The following VSX2 variants were observed in gnomAD, a reference collection of about 807,000 sequenced individuals.
The protein encoded by VSX2 is ceh-10 homeo domain containing homolog.
In VSX2, 28 loss-of-function variants were observed where a neutral mutation model predicts 32.1. The ratio of observed to expected loss-of-function variants is 0.87; its 90% CI spans 0.65 to 1.20. VSX2 has a LOEUF of 1.20. Ranked by LOEUF, VSX2 falls within the 50% of genes most tolerant of loss-of-function variation. The pLI is 0.00. For missense variants in VSX2, 506 were observed against 488.7 expected (o/e 1.04, Z -0.33); for synonymous variants, 243 against 214.1 (o/e 1.14, Z -1.18).
intron 2 of VSX2, among the ~76,000 whole-genome samples, chr14:74,244,377 A>G (rs970937524): frequency 6.6e-6 from 1 of 152,000 alleles, no homozygotes; most frequent in Non-Finnish European, 1.5e-5. Flanking sequence ...CCTTGTCAGC[A>G]CAGAATAGGA....
rs1225857453 is a variant in VSX2, at chr14:74,260,963, C to T, written c.*44C>T. On this transcript the variant is annotated 3_prime_UTR_variant, in exon 5 of 5. Transcript: ENST00000261980. ...GCCGGAGCCCCAAGACTCTGCTCTCCTCGGGCCCTGTGGTGCTGGGAGATG... is the reference window on the plus strand; with the variant it reads ...GCCGGAGCCCCAAGACTCTGCTCTCTTCGGGCCCTGTGGTGCTGGGAGATG... 1 of 1,545,582 alleles carries T rather than the reference C, an allele frequency of 6.5e-7. No individual in the cohort carries two copies. The highest frequency in any genetic ancestry group is 8.7e-7 in the Non-Finnish European group (1 of 1,144,414).
At chr14:74,257,051 C>T (rs1375366200) in intron 3 of VSX2, among the ~76,000 whole-genome samples, 1 of 151,988 alleles carries the variant, frequency 6.6e-6, no homozygotes, top group Non-Finnish European at 1.5e-5. Context: ...CAAGCAGATA[C>T]GCTAAGGGGA....
chr14:74,244,927 T>TGAGA lies in VSX2; in HGVS notation c.456-237_456-236insAGAG, dbSNP rs1486415358. Reference sequence around the variant, plus strand: ...GTGTGTGTGTGTGTGTGTGTGTGTGTGTGAAAGAGAGAGAGAAAGTGTGTG... The same window carrying TGAGA: ...GTGTGTGTGTGTGTGTGTGTGTGTGTGAGAGTGAAAGAGAGAGAGAAAGTGTGTG... On this transcript the variant is annotated intron_variant, in intron 2 of 4. Transcript: ENST00000261980. Among the ~76,000 whole-genome samples, 93 of 39,318 alleles carry TGAGA rather than the reference T, an allele frequency of 2.4e-3. 1 individual carries two copies. The highest frequency in any genetic ancestry group is 0.013 in the Admixed American group (46 of 3,464). The allele number at this position is 39,318 out of a possible 152,430, so 25.8% of individuals were successfully genotyped here.
rs200389260 is a variant in VSX2, at chr14:74,259,695, A to G, written c.673A>G (p.Met225Val). The change falls in exon 4 of 5, where the codon ATG becomes GTG. Residue 225 changes from methionine to valine, a missense_variant. By Grantham distance (21) the Met-to-Val change is conservative. Coordinates refer to ENST00000261980, the MANE Select transcript of VSX2 (RefSeq NM_182894.3). ...GGCGGAGTATGGGCTCTACGGGGCC[A>G]TGGTGCGGCACTCCATCCCCCTGCC... ...VMAEYGLYGA[M>V]VRHSIPLPES... 1.9e-6 allele frequency: 3 copies of G among 1,614,072 alleles called. No homozygotes were observed. Among genetic ancestry groups the G allele is most frequent in the East Asian group, 2.2e-5 (1 of 44,880 alleles).
At position 74,259,739 on chromosome 14, in the gene VSX2, A is replaced by T; in HGVS notation, c.717A>T (p.Ser239=). ...CCCTGCCCGAGTCCATCCTCAAGTC[A>T]GCCAAGGATGGCATCATGGACTCCT... is the stretch of plus-strand genomic sequence containing the variant. ...SIPLPESILK[S]AKDGIMDSCA... is the part of the protein sequence containing the mutation. Residue 239 remains serine (S), a synonymous_variant, in exon 4 of 5, where the codon TCA becomes TCT. Transcript: ENST00000261980. 6.2e-7 allele frequency: 1 copy of T among 1,613,676 alleles called. No homozygotes were observed. The highest frequency in any genetic ancestry group is 8.5e-7 in the Non-Finnish European group (1 of 1,179,700).
rs769885076 is a variant in VSX2, at chr14:74,239,745, C to T, written c.184C>T (p.Leu62=). ...CGACGGCCTGGCCCCCGGGCACTTG[C>T]TGGCGGCGCGCTCAGTGCTCAGCCC... The part of the protein sequence containing the change: ...ALDGLAPGHL[L]AARSVLSPAG... The change falls in exon 1 of 5, where the codon CTG becomes TTG. Residue 62 remains leucine (L), a synonymous_variant. Coordinates refer to ENST00000261980, the MANE Select transcript of VSX2 (RefSeq NM_182894.3). 3.2e-6 allele frequency: 5 copies of T among 1,549,712 alleles called. No homozygotes were observed. Among genetic ancestry groups the T allele is most frequent in the Non-Finnish European group, 3.5e-6 (4 of 1,147,114 alleles).
chr14:74,248,130 C>T (rs1002387062), intron 3 of VSX2, among the ~76,000 whole-genome samples: 8 of 151,946 alleles, frequency 5.3e-5, no homozygotes, highest in Non-Finnish European at 7.4e-5. Flanking sequence ...ACGTGTTGGC[C>T]GCCACTCCTG....
In VSX2 at chr14:74,260,963, C is replaced by G; in HGVS notation, c.*44C>G. On this transcript the variant is annotated 3_prime_UTR_variant, in exon 5 of 5. Coordinates refer to ENST00000261980, the MANE Select transcript of VSX2 (RefSeq NM_182894.3). ...GCCGGAGCCCCAAGACTCTGCTCTCCTCGGGCCCTGTGGTGCTGGGAGATG... is the reference window on the plus strand; with the variant it reads ...GCCGGAGCCCCAAGACTCTGCTCTCGTCGGGCCCTGTGGTGCTGGGAGATG... 1 of 1,545,582 alleles carries G rather than the reference C, an allele frequency of 6.5e-7. No individual in the cohort carries two copies. The highest frequency in any genetic ancestry group is 8.7e-7 in the Non-Finnish European group (1 of 1,144,414).
At chr14:74,253,767 C>T (rs1180740029) in intron 3 of VSX2, among the ~76,000 whole-genome samples, 1 of 151,778 alleles carries the variant, frequency 6.6e-6, no homozygotes, top group Admixed American at 6.6e-5. Flanking sequence ...CCTGTCTCTA[C>T]TAAAAATGCA....
chr14:74,245,713 C>T (rs923432306), intron 3 of VSX2, among the ~76,000 whole-genome samples: 1 of 152,042 alleles, frequency 6.6e-6, no homozygotes. Flanking sequence ...CTAGTCCTGA[C>T]CCCAGTCTGT....
At chr14:74,243,705 C>T (rs1291459031) in intron 2 of VSX2, among the ~76,000 whole-genome samples, 2 of 151,322 alleles carry the variant, frequency 1.3e-5, no homozygotes, top group Admixed American at 6.6e-5. Context: ...ACATCATCAC[C>T]CCCCACCCCC....
intron 3 of VSX2, 27 bp downstream of exon 3, chr14:74,245,315 C>T: frequency 6.2e-7 from 1 of 1,612,970 alleles, no homozygotes; most frequent in Non-Finnish European, 8.5e-7. Flanking sequence ...CCTCTCCCCT[C>T]CACTCTCCCC....
In VSX2 at chr14:74,239,695, C is replaced by T. The variant is rs998945152; in HGVS notation, c.134C>T (p.Pro45Leu). The change falls in exon 1 of 5, where the codon CCG becomes CTG. Residue 45 changes from proline to leucine, a missense_variant. Coordinates refer to ENST00000261980, the MANE Select transcript of VSX2 (RefSeq NM_182894.3). ...QEILGLNKEPPSSHPRAALDG... is the reference protein window; with the variant it reads ...QEILGLNKEPLSSHPRAALDG... ...ATCCTGGGCTTGAACAAGGAGCCCC[C>T]GAGCTCCCACCCGCGGGCAGCGCTC... 16 of 1,549,734 alleles carry T rather than the reference C, an allele frequency of 1.0e-5. No homozygotes were observed. The African/African-American group carries it at 1.5e-4, about 15-fold the overall frequency.
Position 74,241,341 on chromosome 14 carries a change from T to C in VSX2, c.455+75T>C, listed in dbSNP as rs1015100400. Reference sequence around the variant, plus strand: ...GTCCCCCGTTCCGGGATCGGGTCTCTCGGACCCTATTTTCGCCGACAACGG... The same window carrying C: ...GTCCCCCGTTCCGGGATCGGGTCTCCCGGACCCTATTTTCGCCGACAACGG... On this transcript the variant is annotated intron_variant, in intron 2 of 4. Coordinates refer to ENST00000261980, the MANE Select transcript of VSX2 (RefSeq NM_182894.3). The C allele has an allele frequency of 1.4e-4, 210 of 1,492,118 alleles. 1 individual carries two copies. The highest frequency in any genetic ancestry group is 5.4e-4 in the Middle Eastern group (3 of 5,592). The allele number at this position is 1,492,118 out of a possible 1,614,324, so 92.4% of individuals were successfully genotyped here.
At chr14:74,244,649 G>A (rs1487824332) in intron 2 of VSX2, among the ~76,000 whole-genome samples, 1 of 152,048 alleles carries the variant, frequency 6.6e-6, no homozygotes, top group Non-Finnish European at 1.5e-5. Flanking sequence ...TAGTAATCTG[G>A]TAAGCCCCTC....
In VSX2 at chr14:74,251,171, C is replaced by T. The variant is rs1038878652; in HGVS notation, c.579+5883C>T. Among the ~76,000 whole-genome samples, 19 of 151,870 alleles carry T rather than the reference C, an allele frequency of 1.3e-4. No individual in the cohort carries two copies. In the East Asian group the frequency reaches 3.3e-3, roughly 27 times the overall value. On this transcript the variant is annotated intron_variant, in intron 3 of 4. Transcript: ENST00000261980. ...CTCTACTAAAAATACAAAATTACGC[C>T]GGGTACGGTGGCTCACACCTGTAAT...
At chr14:74,251,134 A>T (rs1162426718) in intron 3 of VSX2, among the ~76,000 whole-genome samples, 1 of 151,750 alleles carries the variant, frequency 6.6e-6, no homozygotes, top group African/African-American at 2.4e-5. Flanking sequence ...GACCAACATG[A>T]TGAAACCTCG....
At position 74,244,941 on chromosome 14, in the gene VSX2, AG is replaced by A. The variant is rs1436872357; in HGVS notation, c.456-223del. Among the ~76,000 whole-genome samples, 11 of 89,948 alleles carry A rather than the reference AG, an allele frequency of 1.2e-4. 3 individuals are homozygous for A. The highest frequency in any genetic ancestry group is 4.0e-4 in the African/African-American group (10 of 24,834). 59.0% of individuals were successfully genotyped at this position (89,948 alleles called of 152,430 possible). On this transcript the variant is annotated intron_variant, in intron 2 of 4. Coordinates refer to ENST00000261980, the MANE Select transcript of VSX2 (RefSeq NM_182894.3). ...GTGTGTGTGTGTGTGAAAGAGAGAG[AG>A]AAAGTGTGTGTGTGTGTGTGTGTGT...
intron 1 of VSX2, 63 bp from the exon 2 acceptor site, chr14:74,241,118 CG>C: frequency 1.3e-6 from 2 of 1,558,952 alleles, no homozygotes; most frequent in Non-Finnish European, 1.8e-6. Context: ...GGGGCCCTCG[CG>C]GGTTTCGGGC....
Sources: gnomAD v4.1 joint callset for allele counts (sites outside exome capture counted in the v4.1 genomes callset) on GRCh38, gnomAD v4.1.1 for gene constraint, MANE v1.5 for transcripts, NCBI Gene and HGNC (gene_info 2026-07-23, HGNC 2026-07-21) for gene names.